SYN2: variants seen among roughly 807,000 people sequenced by gnomAD.
The protein encoded by SYN2 is synapsin-2.
SYN2 carries 19 observed loss-of-function variants against 50.9 expected under a neutral mutation model. The observed-to-expected ratio is 0.37, with a 90% confidence interval of 0.26 to 0.55. SYN2 has a LOEUF of 0.55. Among genes scored for constraint, SYN2 ranks in the 20% least tolerant of loss-of-function variants. The pLI, the probability that SYN2 is intolerant of heterozygous loss-of-function variation, is 0.81. For missense variants in SYN2, 587 were observed against 576.4 expected, an observed-to-expected ratio of 1.02 and a Z score of -0.19; for synonymous variants, 255 against 224.9, an observed-to-expected ratio of 1.13 and a Z score of -1.20.
At chr3:12,068,058 C>T (rs527433066) in intron 1 of SYN2, among the ~76,000 whole-genome samples, 2 of 151,898 alleles carry the variant, frequency 1.3e-5, no homozygotes, top group African/African-American at 2.4e-5. Context: ...GACCTTGTCT[C>T]GAATGAATGA....
intron 10 of SYN2, among the ~76,000 whole-genome samples, chr3:12,171,787 A>G (rs1697942807): frequency 6.6e-6 from 1 of 152,244 alleles, no homozygotes; most frequent in Non-Finnish European, 1.5e-5. Context: ...TAGCAAGACA[A>G]TCCATATTAT....
In SYN2 at chr3:12,083,373, A is replaced by G. The variant is rs112014711; in HGVS notation, c.378-57278A>G. Among the ~76,000 whole-genome samples, 1,369 of 152,290 alleles carry G rather than the reference A, an allele frequency of 9.0e-3. 11 individuals carry two copies. Among genetic ancestry groups the G allele is most frequent in the Non-Finnish European group, 0.015 (1,040 of 68,008 alleles). Reference sequence around the variant, plus strand: ...TTTTTTACCTAGGATGTCTGTGAATAATAGTTCTGTCTCTCTCTGTATTGG... The same window carrying G: ...TTTTTTACCTAGGATGTCTGTGAATGATAGTTCTGTCTCTCTCTGTATTGG... On this transcript the variant is annotated intron_variant, in intron 1 of 12. Transcript: ENST00000621198.
rs1193015094 is a variant in SYN2 at position 12,075,970 on chromosome 3, A to T, written c.378-64681A>T. On this transcript the variant is annotated intron_variant, in intron 1 of 12. Transcript: ENST00000621198. ...AATATTTTAGATCATATGTTAATTCACTTAATCTTCACGACAATCCTGTGA... is the reference window on the plus strand; with the variant it reads ...AATATTTTAGATCATATGTTAATTCTCTTAATCTTCACGACAATCCTGTGA... Among the ~76,000 whole-genome samples the T allele has an allele frequency of 2.6e-5, 4 of 152,260 alleles. No individual in the cohort carries two copies. The East Asian group carries it at 7.7e-4, about 29-fold the overall frequency.
chr3:12,152,585 T>C (rs99365), intron 5 of SYN2, among the ~76,000 whole-genome samples: 127,226 of 152,168 alleles, frequency 0.84, 53,596 homozygotes, highest in Middle Eastern at 0.93. Context: ...ACCGTGCTTT[T>C]CCCTCAAGGG....
At chr3:12,021,689 A>G (rs1194005743) in intron 1 of SYN2, among the ~76,000 whole-genome samples, 1 of 152,188 alleles carries the variant, frequency 6.6e-6, no homozygotes, top group East Asian at 1.9e-4. Flanking sequence ...GTTAAAGATG[A>G]GGAATGGGTA....
chr3:12,053,636 T>A (rs199940279), intron 1 of SYN2, among the ~76,000 whole-genome samples: 7,232 of 152,182 alleles, frequency 0.048, 237 homozygotes, highest in East Asian at 0.14. Flanking sequence ...GGTGGCATAC[T>A]TACTATGATT....
rs1697669478 is a variant in SYN2 at position 12,162,169 on chromosome 3, G to A, written c.980+15G>A. On this transcript the variant is annotated intron_variant, in intron 7 of 12. Transcript: ENST00000621198. ...AAGGCTTACATGTGAGTAAGAGTGGGGTATGTTTTCTCCTCAGTGATGATG... is the reference window on the plus strand; with the variant it reads ...AAGGCTTACATGTGAGTAAGAGTGGAGTATGTTTTCTCCTCAGTGATGATG... The A allele has an allele frequency of 1.2e-6, 2 of 1,613,372 alleles. No homozygotes were observed. Among genetic ancestry groups the A allele is most frequent in the Non-Finnish European group, 8.5e-7 (1 of 1,179,560 alleles).
chr3:12,163,597 A>G (rs1167585005), intron 7 of SYN2, among the ~76,000 whole-genome samples: 2 of 152,192 alleles, frequency 1.3e-5, no homozygotes, highest in African/African-American at 4.8e-5. Flanking sequence ...CTGCATCTCC[A>G]TTACCATGTA....
chr3:12,118,286 T>A (rs777037106), intron 1 of SYN2, among the ~76,000 whole-genome samples: 4 of 152,206 alleles, frequency 2.6e-5, no homozygotes, highest in African/African-American at 4.8e-5. Flanking sequence ...AACACAGGCT[T>A]GGTGCAGTGA....
intron 1 of SYN2, among the ~76,000 whole-genome samples, chr3:12,064,052 A>G (rs985622837): frequency 6.6e-6 from 1 of 152,044 alleles, no homozygotes; most frequent in Non-Finnish European, 1.5e-5. Context: ...GTCATCATCA[A>G]CAGTGATAAG....
At chr3:12,098,007 TAAAA>T (rs966887281) in intron 1 of SYN2, among the ~76,000 whole-genome samples, 2 of 150,998 alleles carry the variant, frequency 1.3e-5, no homozygotes, top group Non-Finnish European at 3.0e-5. Flanking sequence ...AAAGTATAAT[TAAAA>T]AAAAAGAATT....
chr3:12,043,832 C>T (rs543925654), intron 1 of SYN2, among the ~76,000 whole-genome samples: 1 of 152,252 alleles, frequency 6.6e-6, no homozygotes, highest in East Asian at 1.9e-4. Flanking sequence ...AGTCAAATCT[C>T]CATCATGAAA....
intron 1 of SYN2, among the ~76,000 whole-genome samples, chr3:12,055,602 G>T (rs749827815): frequency 2.2e-4 from 34 of 152,150 alleles, no homozygotes; most frequent in Non-Finnish European, 4.3e-4. Context: ...CATGAACATG[G>T]TATATCCCAC....
intron 1 of SYN2, among the ~76,000 whole-genome samples, chr3:12,120,070 C>G (rs1435526285): frequency 6.6e-6 from 1 of 152,072 alleles, no homozygotes; most frequent in Non-Finnish European, 1.5e-5. Flanking sequence ...AAATGGAGCT[C>G]CTTTGGTTGA....
rs747309298 is a variant in SYN2, at chr3:12,167,320, G to A, written c.1055+12G>A. 6.2e-7 allele frequency: 1 copy of A among 1,608,898 alleles called. No individual in the cohort carries two copies. The highest frequency in any genetic ancestry group is 8.5e-7 in the Non-Finnish European group (1 of 1,177,664). Reference sequence around the variant, plus strand: ...GCCATGTCAGACAGGTGAGTTGAGAGAAGGAGTCCAGTTTCCAGCCCAGTG... The same window carrying A: ...GCCATGTCAGACAGGTGAGTTGAGAAAAGGAGTCCAGTTTCCAGCCCAGTG... On this transcript the variant is annotated intron_variant, in intron 8 of 12. Coordinates refer to ENST00000621198, the MANE Select transcript of SYN2 (RefSeq NM_133625.6).
chr3:12,137,887 A>G (rs569237423), intron 1 of SYN2, among the ~76,000 whole-genome samples: 2 of 152,318 alleles, frequency 1.3e-5, no homozygotes, highest in South Asian at 4.1e-4. Context: ...TTATCCTTTT[A>G]TATAATTTTA....
chr3:12,019,436 C>CT (rs1281288424), intron 1 of SYN2, among the ~76,000 whole-genome samples: 1 of 152,146 alleles, frequency 6.6e-6, no homozygotes, highest in Non-Finnish European at 1.5e-5. Context: ...TTCTCTGACA[C>CT]TAAGTCATGA....
In SYN2 at chr3:12,040,162, T is replaced by C. The variant is rs1694580662; in HGVS notation, c.377+35234T>C. ...CAGCACTTGTTGGATTTTCATTAAC[T>C]AGGATTTGGTGAGGATTTGTCTTCC... is the stretch of plus-strand genomic sequence containing the variant. On this transcript the variant is annotated intron_variant, in intron 1 of 12. Transcript: ENST00000621198. Among the ~76,000 whole-genome samples, 4 of 152,204 alleles carry C rather than the reference T, an allele frequency of 2.6e-5. No homozygotes were observed. In the South Asian group the frequency reaches 8.3e-4, roughly 32 times the overall value.
chr3:12,019,308 T>C (rs745426589), intron 1 of SYN2, among the ~76,000 whole-genome samples: 17 of 152,184 alleles, frequency 1.1e-4, no homozygotes, highest in Non-Finnish European at 2.4e-4. Context: ...CCCTTAGTAT[T>C]CAGTAGAGTG....
Sources: gnomAD v4.1 joint callset for allele counts (sites outside exome capture counted in the v4.1 genomes callset) on GRCh38, gnomAD v4.1.1 for gene constraint, MANE v1.5 for transcripts, NCBI Gene and HGNC (gene_info 2026-07-23, HGNC 2026-07-21) for gene names.